The following MARCHF1 variants were observed in gnomAD, a reference collection of about 807,000 sequenced individuals.
The protein encoded by MARCHF1 is membrane associated ring-CH-type finger 1, also known as E3 ubiquitin-protein ligase MARCHF1.
Under a neutral mutation model 54.2 loss-of-function variants are expected in MARCHF1, and 40 were observed. The ratio of observed to expected loss-of-function variants is 0.74; its 90% confidence interval spans 0.57 to 0.96. The LOEUF is 0.96. Ranked by LOEUF, MARCHF1 falls within the 40% of genes least tolerant of loss-of-function variation. MARCHF1 has a pLI of 0.00. For synonymous variants in MARCHF1, 236 were observed against 236.3 expected, an observed-to-expected ratio of 1.00 and a Z score of 0.01; for missense variants, 586 against 656.5, an observed-to-expected ratio of 0.89 and a Z score of 1.17.
chr4:164,291,915 T>G (rs542997762), intron 1 of MARCHF1, among the ~76,000 whole-genome samples: 1 of 152,246 alleles, frequency 6.6e-6, no homozygotes, highest in South Asian at 2.1e-4. Context: ...ATTCTAATGT[T>G]ATTTATAGTT....
Position 163,660,996 on chromosome 4 carries a change from G to T in MARCHF1, c.162+39817C>A, listed in dbSNP as rs146465049. On this transcript the variant is annotated intron_variant, in intron 5 of 9. Coordinates refer to ENST00000514618, the MANE Select transcript of MARCHF1 (RefSeq NM_001394959.1). ...ATATTTCTTTAGGTATTTACACTTT[G>T]TATTCCTAAAAATTTGATAATCTTG... Among the ~76,000 whole-genome samples, 316 of 151,936 alleles carry T rather than the reference G, an allele frequency of 2.1e-3. 5 individuals are homozygous for T. Among genetic ancestry groups the T allele is most frequent in the East Asian group, 4.1e-3 (21 of 5,142 alleles).
chr4:163,705,478 C>A (rs961940827), intron 4 of MARCHF1, among the ~76,000 whole-genome samples: 3 of 151,594 alleles, frequency 2.0e-5, no homozygotes, highest in African/African-American at 7.3e-5. Context: ...ACTAAAATTC[C>A]CAAAGAATAG....
intron 3 of MARCHF1, among the ~76,000 whole-genome samples, chr4:163,897,943 C>G (rs1222954581): frequency 6.6e-5 from 10 of 151,418 alleles, no homozygotes; most frequent in Admixed American, 2.6e-4. Context: ...CGCCTGTAGT[C>G]CCAGCTACTT....
chr4:163,688,621 A>G (rs1284628360), intron 5 of MARCHF1, among the ~76,000 whole-genome samples: 3 of 152,184 alleles, frequency 2.0e-5, no homozygotes, highest in Admixed American at 2.0e-4. Flanking sequence ...CATCAACCTC[A>G]CAGATTTTTT....
At chr4:163,772,915 T>C (rs994292509) in intron 4 of MARCHF1, among the ~76,000 whole-genome samples, 1 of 152,060 alleles carries the variant, frequency 6.6e-6, no homozygotes, top group African/African-American at 2.4e-5. Context: ...ATCCCTGTAG[T>C]ATATGGAAGG....
chr4:164,057,310 A>G (rs1453493590), intron 2 of MARCHF1, among the ~76,000 whole-genome samples: 2 of 152,200 alleles, frequency 1.3e-5, no homozygotes, highest in Non-Finnish European at 2.9e-5. Flanking sequence ...AAGAAGAAAT[A>G]CACAACTAAG....
At chr4:164,249,914 G>A (rs1733075036) in intron 1 of MARCHF1, among the ~76,000 whole-genome samples, 1 of 152,110 alleles carries the variant, frequency 6.6e-6, no homozygotes, top group South Asian at 2.1e-4. Flanking sequence ...GAGGTATTCA[G>A]GGACAGAAGA....
chr4:164,039,112 T>C (rs1018120143), intron 2 of MARCHF1, among the ~76,000 whole-genome samples: 12 of 152,192 alleles, frequency 7.9e-5, no homozygotes, highest in Admixed American at 7.2e-4. Flanking sequence ...ACGTGTGTAA[T>C]AGATTAGGGA....
chr4:163,686,718 A>G (rs1014633411), intron 5 of MARCHF1, among the ~76,000 whole-genome samples: 12 of 152,162 alleles, frequency 7.9e-5, no homozygotes, highest in Admixed American at 7.2e-4. Flanking sequence ...TTAAAAATAC[A>G]AGTCAAAGAA....
intron 3 of MARCHF1, among the ~76,000 whole-genome samples, chr4:163,871,520 C>A (rs1045019328): frequency 6.6e-6 from 1 of 152,060 alleles, no homozygotes; most frequent in Non-Finnish European, 1.5e-5. Flanking sequence ...CAAGTCTTTG[C>A]CTGCTAGAGA....
chr4:164,242,569 G>A (rs1331702477), intron 1 of MARCHF1, among the ~76,000 whole-genome samples: 14 of 152,146 alleles, frequency 9.2e-5, no homozygotes, highest in African/African-American at 1.7e-4. Flanking sequence ...AAAGCAGAGC[G>A]CCTCTCCTCC....
chr4:163,994,250 G>A (rs948977105), intron 2 of MARCHF1, among the ~76,000 whole-genome samples: 1 of 142,234 alleles, frequency 7.0e-6, no homozygotes, highest in East Asian at 2.1e-4. Context: ...AAGAATGATA[G>A]AGAAAAAGTG....
intron 3 of MARCHF1, among the ~76,000 whole-genome samples, chr4:163,986,249 CTTTTTTTTTTTTTT>C (rs869081083): frequency 4.5e-4 from 13 of 28,896 alleles, no homozygotes; most frequent in East Asian, 2.1e-3. Flanking sequence ...TTAACCTCTT[CTTTTTTTTTTTTTT>C]TTTTTTTTTT....
intron 8 of MARCHF1, chr4:163,585,452 T>C: frequency 5.3e-6 from 1 of 187,918 alleles, no homozygotes; most frequent in East Asian, 1.3e-4. Flanking sequence ...GAATTACAAG[T>C]GCATTTTGCA....
intron 1 of MARCHF1, among the ~76,000 whole-genome samples, chr4:164,175,126 C>T (rs1730629237): frequency 6.6e-6 from 1 of 152,122 alleles, no homozygotes; most frequent in South Asian, 2.1e-4. Context: ...ATTTTCTCAT[C>T]TTTATAGTAA....
chr4:164,042,236 T>C (rs1237309512), intron 2 of MARCHF1, among the ~76,000 whole-genome samples: 1 of 152,180 alleles, frequency 6.6e-6, no homozygotes, highest in Non-Finnish European at 1.5e-5. Flanking sequence ...TAGGGATTCA[T>C]TTCTGTATTA....
intron 2 of MARCHF1, among the ~76,000 whole-genome samples, chr4:164,059,909 G>T (rs1386540462): frequency 6.6e-6 from 1 of 152,072 alleles, no homozygotes; most frequent in Non-Finnish European, 1.5e-5. Context: ...ACCATTTGTA[G>T]TTTGGGTAAG....
In MARCHF1 at chr4:164,078,903, AAAACTT is replaced by A. The variant is rs1014975316; in HGVS notation, c.-248+32679_-248+32684del. 1.4e-4 allele frequency among the ~76,000 whole-genome samples: 21 copies of A among 152,162 alleles called. 1 individual carries two copies. The highest frequency in any genetic ancestry group is 4.8e-4 in the African/African-American group (20 of 41,554). On this transcript the variant is annotated intron_variant, in intron 2 of 9. Transcript: ENST00000514618. ...CCTGCACGTTGTGCACATGTACCCT[AAAACTT>A]AAAGTATAATAAAAAAAAAAGAAAT...
chr4:164,158,717 C>T (rs1327468282), intron 1 of MARCHF1, among the ~76,000 whole-genome samples: 1 of 151,990 alleles, frequency 6.6e-6, no homozygotes, highest in Non-Finnish European at 1.5e-5. Flanking sequence ...TTAACTGTTC[C>T]ACATGCATCC....
Sources: allele counts gnomAD v4.1 joint callset (sites outside exome capture counted in the v4.1 genomes callset), GRCh38; gene constraint gnomAD v4.1.1; transcripts MANE v1.5; gene names NCBI Gene and HGNC (gene_info 2026-07-23, HGNC 2026-07-21).